TMEM273: variants seen among roughly 807,000 people sequenced by gnomAD.
TMEM273 encodes chromosome 10 open reading frame 128.
In TMEM273, 19 loss-of-function variants were observed where a neutral mutation model predicts 17.9. The ratio of observed to expected loss-of-function variants is 1.06; its 90% confidence interval spans 0.74 to 1.55. TMEM273 has a LOEUF of 1.55. Among genes scored for constraint, TMEM273 ranks in the 40% most tolerant of loss-of-function variants. The pLI, the probability that TMEM273 is intolerant of heterozygous loss-of-function variation, is 0.00. For synonymous variants in TMEM273, 66 were observed against 62.0 expected (o/e 1.07, Z -0.31); for missense variants, 194 against 155.6 (o/e 1.25, Z -1.31).
At chr10:49,163,865 T>C (rs944964669) in intron 5 of TMEM273, among the ~76,000 whole-genome samples, 1 of 152,188 alleles carries the variant, frequency 6.6e-6, no homozygotes, top group African/African-American at 2.4e-5. Flanking sequence ...AGAAAATCCA[T>C]GTCCAGCTCA....
intron 1 of TMEM273, among the ~76,000 whole-genome samples, chr10:49,171,296 G>C (rs1846551971): frequency 6.7e-6 from 1 of 148,162 alleles, no homozygotes; most frequent in African/African-American, 2.5e-5. Context: ...CCCTTGAACT[G>C]TTCACACTGG....
intron 1 of TMEM273, among the ~76,000 whole-genome samples, chr10:49,174,433 G>A (rs7910476): frequency 0.096 from 14,592 of 152,270 alleles, 1,132 homozygotes; most frequent in East Asian, 0.3. Context: ...TTCCAGCATC[G>A]CTCGGCTCTT....
intron 6 of TMEM273, 154 bp downstream of exon 6, chr10:49,161,445 A>G (rs747917946): frequency 8.2e-6 from 7 of 851,766 alleles, no homozygotes; most frequent in Non-Finnish European, 1.4e-5. Context: ...TCCTGGTCTC[A>G]CAGCTGTCCT....
At chr10:49,167,327 A>G (rs1273121517) in intron 2 of TMEM273, among the ~76,000 whole-genome samples, 1 of 152,162 alleles carries the variant, frequency 6.6e-6, no homozygotes, top group Non-Finnish European at 1.5e-5. Flanking sequence ...TCCCTTCGTT[A>G]ATTCATCCAC....
At chr10:49,168,704 G>GGGAA (rs138464218) in intron 1 of TMEM273, among the ~76,000 whole-genome samples, 56,151 of 133,846 alleles carry the variant, frequency 0.42, 13,348 homozygotes, top group African/African-American at 0.59. Flanking sequence ...GAGGGAGGGA[G>GGGAA]GGAGGGAGGG....
At chr10:49,169,080 A>C (rs1846388461) in intron 1 of TMEM273, among the ~76,000 whole-genome samples, 1 of 152,226 alleles carries the variant, frequency 6.6e-6, no homozygotes, top group Non-Finnish European at 1.5e-5. Flanking sequence ...AGAGTCCAGG[A>C]AGGCCTACAG....
chr10:49,161,778 T>G (rs939924146), intron 5 of TMEM273, among the ~76,000 whole-genome samples, 156 bp from the exon 6 acceptor site: 2 of 152,184 alleles, frequency 1.3e-5, no homozygotes, highest in Admixed American at 1.3e-4. Context: ...AGTGTTAGTT[T>G]TGGAAACTCG....
intron 5 of TMEM273, among the ~76,000 whole-genome samples, chr10:49,164,977 C>T (rs1304257344): frequency 6.6e-6 from 1 of 152,122 alleles, no homozygotes; most frequent in Non-Finnish European, 1.5e-5. Flanking sequence ...TTCATTCATT[C>T]AACACATATG....
chr10:49,161,699 G>A (rs1845853010), intron 5 of TMEM273, 77 bp from the exon 6 acceptor site: 2 of 1,575,436 alleles, frequency 1.3e-6, no homozygotes, highest in Non-Finnish European at 1.7e-6. Flanking sequence ...TGCTGCAAGA[G>A]AGTGGCTTGC....
intron 1 of TMEM273, among the ~76,000 whole-genome samples, chr10:49,173,378 G>A (rs988036153): frequency 5.3e-5 from 8 of 152,210 alleles, no homozygotes; most frequent in African/African-American, 1.7e-4. Flanking sequence ...CTGTGAAGGA[G>A]GAGCTATACC....
chr10:49,181,348 A>G (rs1847330745), intron 1 of TMEM273, among the ~76,000 whole-genome samples: 2 of 152,234 alleles, frequency 1.3e-5, no homozygotes, highest in South Asian at 4.1e-4. Context: ...GTTTTTGTAG[A>G]TGTACAAAAG....
chr10:49,173,269 G>C (rs1036700648), intron 1 of TMEM273, among the ~76,000 whole-genome samples: 2 of 152,156 alleles, frequency 1.3e-5, no homozygotes, highest in African/African-American at 2.4e-5. Flanking sequence ...ATCTGAGCTC[G>C]GTAACTGTCA....
At chr10:49,179,366 G>GCATT (rs749549915) in intron 1 of TMEM273, among the ~76,000 whole-genome samples, 2 of 152,178 alleles carry the variant, frequency 1.3e-5, no homozygotes, top group Non-Finnish European at 2.9e-5. Flanking sequence ...TCCCCAGCAG[G>GCATT]CATTCTGCCT....
At position 49,155,764 on chromosome 10, in the gene TMEM273, A is replaced by G; in HGVS notation, c.*128T>C. 7.5e-7 allele frequency: 1 copy of G among 1,332,896 alleles called. No individual in the cohort carries two copies. 82.6% of individuals were successfully genotyped at this position (1,332,896 alleles called of 1,614,324 possible). On this transcript the variant is annotated 3_prime_UTR_variant, in exon 7 of 7. Transcript: ENST00000374153. ...TCTATTCCTTCTATTATTTGCCTCC[A>G]ATATTCAGTCCATGTGAAAGTTCAT...
Position 49,166,974 on chromosome 10 carries a change from C to G in TMEM273, c.133G>C (p.Val45Leu). ...KYALIGTAVG[V>L]AISAGFLALK... ...GCCAGGAAGCCAGCAGATATGGCGA[C>G]ACCCACAGCAGTCCCGATGAGGGCG... The change falls in exon 3 of 7, where the codon GTC (valine) becomes CTC (leucine). Residue 45 changes from valine (V) to leucine (L), a missense_variant. Val to Leu is a conservative substitution (Grantham distance 32). Transcript: ENST00000374153. The G allele has an allele frequency of 6.2e-7, 1 of 1,614,182 alleles. No homozygotes were observed. Among genetic ancestry groups the G allele is most frequent in the Non-Finnish European group, 8.5e-7 (1 of 1,180,028 alleles).
At chr10:49,173,086 C>T (rs2132208695) in intron 1 of TMEM273, among the ~76,000 whole-genome samples, 1 of 152,320 alleles carries the variant, frequency 6.6e-6, no homozygotes, top group South Asian at 2.1e-4. Context: ...CAAGGGAGGC[C>T]TGCGTTTGCC....
At chr10:49,185,915 T>C (rs76096025) in intron 1 of TMEM273, among the ~76,000 whole-genome samples, 1 of 150,500 alleles carries the variant, frequency 6.6e-6, no homozygotes, top group South Asian at 2.1e-4. Flanking sequence ...GAGGTGGAGG[T>C]TGCGGTGAGC....
At chr10:49,179,593 A>G (rs1290399198) in intron 1 of TMEM273, among the ~76,000 whole-genome samples, 1 of 152,206 alleles carries the variant, frequency 6.6e-6, no homozygotes, top group East Asian at 1.9e-4. Flanking sequence ...CATAGCTAAA[A>G]TCCCTAAATA....
At chr10:49,156,234 T>G in intron 6 of TMEM273, 1 of 1,377,086 alleles carries the variant, frequency 7.3e-7, no homozygotes, top group Non-Finnish European at 9.6e-7. Context: ...CTGTAGTTGG[T>G]GAATTTGCAC....
Sources: gnomAD v4.1 joint callset for allele counts (sites outside exome capture counted in the v4.1 genomes callset) on GRCh38, gnomAD v4.1.1 for gene constraint, MANE v1.5 for transcripts, NCBI Gene and HGNC (gene_info 2026-07-23, HGNC 2026-07-21) for gene names.